GRAMD1B: variants seen among roughly 807,000 people sequenced by gnomAD.
GRAMD1B encodes GRAM domain containing 1B.
Under a neutral mutation model 99.7 loss-of-function variants are expected in GRAMD1B, and 37 were observed. The ratio of observed to expected loss-of-function variants is 0.37; its 90% confidence interval spans 0.29 to 0.49. GRAMD1B has a LOEUF of 0.49. Among genes scored for constraint, GRAMD1B ranks in the 20% least tolerant of loss-of-function variants. The pLI is 0.98. For missense variants in GRAMD1B, 888 were observed against 1,009.2 expected, an observed-to-expected ratio of 0.88 and a Z score of 1.63; for synonymous variants, 427 against 387.6, an observed-to-expected ratio of 1.10 and a Z score of -1.19.
At chr11:123,372,098 T>C (rs1029363396) in intron 1 of GRAMD1B, among the ~76,000 whole-genome samples, 6 of 152,254 alleles carry the variant, frequency 3.9e-5, no homozygotes, top group Non-Finnish European at 8.8e-5. Flanking sequence ...GTCAACCTGT[T>C]ATCCTGCCTT....
At chr11:123,419,488 G>A (rs537924424) in intron 1 of GRAMD1B, among the ~76,000 whole-genome samples, 4 of 152,078 alleles carry the variant, frequency 2.6e-5, no homozygotes, top group South Asian at 2.1e-4. Context: ...AAAATTAGCC[G>A]GCTGTGGTGG....
intron 1 of GRAMD1B, among the ~76,000 whole-genome samples, chr11:123,390,694 C>T (rs773470621): frequency 1.3e-5 from 2 of 152,226 alleles, no homozygotes; most frequent in South Asian, 2.1e-4. Flanking sequence ...CTCTCCCTCA[C>T]TCCCATTGCT....
At chr11:123,538,416 A>G (rs985509187) in intron 2 of GRAMD1B, among the ~76,000 whole-genome samples, 1 of 152,022 alleles carries the variant, frequency 6.6e-6, no homozygotes, top group African/African-American at 2.4e-5. Context: ...ATAATCATGT[A>G]CTGTACAATT....
At chr11:123,494,938 G>A (rs1046560301) in intron 2 of GRAMD1B, among the ~76,000 whole-genome samples, 1 of 152,050 alleles carries the variant, frequency 6.6e-6, no homozygotes, top group Non-Finnish European at 1.5e-5. Flanking sequence ...TAAACTGCTG[G>A]GTTCTCTTTT....
chr11:123,606,925 A>G (rs74803458), intron 11 of GRAMD1B, 127 bp downstream of exon 11: 24,431 of 662,764 alleles, frequency 0.037, 564 homozygotes, highest in East Asian at 0.061. Context: ...AGCTTCCTTA[A>G]CAAAAGGTAC....
At chr11:123,422,548 G>A (rs927227091) in intron 1 of GRAMD1B, among the ~76,000 whole-genome samples, 2 of 152,160 alleles carry the variant, frequency 1.3e-5, no homozygotes, top group East Asian at 1.9e-4. Context: ...TGGCAAACAT[G>A]CTGTCCTATC....
chr11:123,560,767 C>CG (rs1255999655), intron 2 of GRAMD1B: 3 of 449,660 alleles, frequency 6.7e-6, no homozygotes, highest in African/African-American at 6.1e-5. Flanking sequence ...TTTTTGGAAG[C>CG]GGTGGCTCTG....
intron 17 of GRAMD1B, among the ~76,000 whole-genome samples, chr11:123,618,139 G>A (rs1044915445): frequency 6.6e-6 from 1 of 152,142 alleles, no homozygotes; most frequent in East Asian, 1.9e-4. Flanking sequence ...TTTAGCACCC[G>A]TGGAAATACT....
chr11:123,378,855 AG>A (rs1331813136), intron 1 of GRAMD1B, among the ~76,000 whole-genome samples: 13 of 152,230 alleles, frequency 8.5e-5, no homozygotes, highest in Non-Finnish European at 2.9e-5. Flanking sequence ...TTTTCTGCTT[AG>A]AGTCTTCTCA....
chr11:123,411,487 G>A (rs7950886), intron 1 of GRAMD1B, among the ~76,000 whole-genome samples: 25,351 of 151,998 alleles, frequency 0.17, 2,817 homozygotes, highest in African/African-American at 0.33. Context: ...AAATCATAAT[G>A]TCAGCTCTGG....
intron 1 of GRAMD1B, among the ~76,000 whole-genome samples, chr11:123,408,644 T>C (rs964557348): frequency 2.0e-5 from 3 of 152,212 alleles, no homozygotes; most frequent in East Asian, 1.9e-4. Context: ...GTGTTGTCCA[T>C]AGGAAAGACT....
At chr11:123,613,224 G>C in intron 15 of GRAMD1B, 1 of 577,364 alleles carries the variant, frequency 1.7e-6, no homozygotes, top group Non-Finnish European at 3.1e-6. Flanking sequence ...TTGTATACAT[G>C]AGGGTGCAGA....
intron 1 of GRAMD1B, among the ~76,000 whole-genome samples, chr11:123,419,960 A>C (rs747180277): frequency 1.3e-5 from 2 of 152,112 alleles, no homozygotes; most frequent in African/African-American, 2.4e-5. Context: ...ATAGGTAGCA[A>C]ACTTGCACGG....
chr11:123,465,151 A>G (rs1437938028), intron 1 of GRAMD1B, among the ~76,000 whole-genome samples: 1 of 152,122 alleles, frequency 6.6e-6, no homozygotes, highest in Non-Finnish European at 1.5e-5. Context: ...AGAATGTGTC[A>G]TGTGAGAAGA....
At chr11:123,388,799 C>T (rs562519661) in intron 1 of GRAMD1B, among the ~76,000 whole-genome samples, 3 of 152,252 alleles carry the variant, frequency 2.0e-5, no homozygotes, top group Middle Eastern at 3.4e-3. Flanking sequence ...TGCAAGAGGG[C>T]CCTGCTAGAA....
chr11:123,539,118 G>A (rs528972814), intron 2 of GRAMD1B, among the ~76,000 whole-genome samples: 1 of 152,114 alleles, frequency 6.6e-6, no homozygotes, highest in South Asian at 2.1e-4. Context: ...CCAGCTACTC[G>A]GCAGGCCAAG....
At chr11:123,618,438 C>A in intron 17 of GRAMD1B, 1 of 1,276,948 alleles carries the variant, frequency 7.8e-7, no homozygotes, top group Non-Finnish European at 1.1e-6. Context: ...TGCCCAGGTT[C>A]TGGGTGCCTA....
intron 1 of GRAMD1B, among the ~76,000 whole-genome samples, chr11:123,414,889 G>T (rs1455213826): frequency 3.3e-5 from 5 of 152,084 alleles, no homozygotes; most frequent in African/African-American, 1.2e-4. Flanking sequence ...TCGCTCTAGA[G>T]CCTTGGGGTT....
rs148163295 is a variant in GRAMD1B, at chr11:123,443,556, G to T, written c.374+12390G>T. ...GTTACAGGTCATTGGTGGATTCAAAGATTTTCTTTTTTCTCTTTTTTTTTT... is the reference window on the plus strand; with the variant it reads ...GTTACAGGTCATTGGTGGATTCAAATATTTTCTTTTTTCTCTTTTTTTTTT... On this transcript the variant is annotated intron_variant, in intron 1 of 19. Transcript: ENST00000635736. 3.9e-3 allele frequency among the ~76,000 whole-genome samples: 538 copies of T among 139,100 alleles called. 4 individuals carry two copies. The highest frequency in any genetic ancestry group is 0.015 in the African/African-American group (523 of 35,918). 91.3% of individuals were successfully genotyped at this position (139,100 alleles called of 152,430 possible). A position where few individuals can be genotyped will look rare whatever the true frequency, so the allele number is the denominator to read the frequency against.
Sources: gnomAD v4.1 joint callset for allele counts (sites outside exome capture counted in the v4.1 genomes callset) on GRCh38, gnomAD v4.1.1 for gene constraint, MANE v1.5 for transcripts, NCBI Gene and HGNC (gene_info 2026-07-23, HGNC 2026-07-21) for gene names.